The following CRHR1 variants were observed in gnomAD, a reference collection of about 807,000 sequenced individuals.
CRHR1 encodes corticotropin releasing hormone receptor 1, also known as corticotropin-releasing hormone receptor 1.
Under a neutral mutation model 56.0 loss-of-function variants are expected in CRHR1, and 28 were observed. The ratio of observed to expected loss-of-function variants is 0.50; its 90% confidence interval spans 0.37 to 0.69. The LOEUF (loss-of-function observed/expected upper bound fraction) is 0.69. Ranked by LOEUF, CRHR1 falls within the 30% of genes least tolerant of loss-of-function variation. The probability of loss-of-function intolerance (pLI) is 0.00; values close to 1 mark genes in which losing one functional copy is unlikely to be tolerated. For synonymous variants in CRHR1, 195 were observed against 216.5 expected (o/e 0.90, Z 0.87); for missense variants, 376 against 548.0 (o/e 0.69, Z 3.13).
intron 2 of CRHR1, among the ~76,000 whole-genome samples, chr17:45,814,607 C>T (rs1450400889): frequency 6.6e-6 from 1 of 152,252 alleles, no homozygotes; most frequent in African/African-American, 2.4e-5. Context: ...CGATCCTCCC[C>T]TCCCCGCGGC....
chr17:45,784,590 C>G lies in CRHR1; in HGVS notation c.33+13C>G. The stretch of plus-strand genomic sequence containing the variant: ...CCGTCTCGTCAAGGTAACAGCCCGC[C>G]GGCCATCCCTCGAGCGCTGGCGCCC... On this transcript the variant is annotated intron_variant, in intron 1 of 12. Transcript: ENST00000314537. The surrounding 1 kb of genome is among the most constrained non-coding windows in gnomAD (Gnocchi z 4.2). The G allele has an allele frequency of 6.5e-7, 1 of 1,546,680 alleles. No individual in the cohort carries two copies. The highest frequency in any genetic ancestry group is 8.7e-7 in the Non-Finnish European group (1 of 1,146,148).
At chr17:45,810,045 C>T (rs1445024785) in intron 2 of CRHR1, among the ~76,000 whole-genome samples, 2 of 152,096 alleles carry the variant, frequency 1.3e-5, no homozygotes, top group Admixed American at 6.6e-5. Context: ...TTTGGGAGGC[C>T]GAGGCGGTCG....
At chr17:45,823,013 G>A (rs919174770) in intron 4 of CRHR1, among the ~76,000 whole-genome samples, 7 of 146,026 alleles carry the variant, frequency 4.8e-5, no homozygotes, top group Middle Eastern at 3.7e-3. Context: ...GCATGGTGGC[G>A]CATCCCTGTA....
chr17:45,796,329 C>G (rs2061516443), intron 1 of CRHR1, among the ~76,000 whole-genome samples: 3 of 152,158 alleles, frequency 2.0e-5, no homozygotes, highest in African/African-American at 4.8e-5. Flanking sequence ...TCTGTGAGAG[C>G]CAAACAGAGC....
At chr17:45,817,498 T>C (rs2061953354) in intron 3 of CRHR1, among the ~76,000 whole-genome samples, 1 of 152,220 alleles carries the variant, frequency 6.6e-6, no homozygotes, top group Non-Finnish European at 1.5e-5. Context: ...TTGCCCCTCA[T>C]CTGGCCCTCA....
chr17:45,806,028 G>A (rs575617867), intron 1 of CRHR1, among the ~76,000 whole-genome samples: 9 of 152,330 alleles, frequency 5.9e-5, no homozygotes, highest in Non-Finnish European at 1.0e-4. Context: ...CTTAAAGGGG[G>A]TGGGACAGTT....
In CRHR1 at chr17:45,830,230, G is replaced by A. The variant is rs754937515; in HGVS notation, c.555+16G>A. The A allele has an allele frequency of 6.2e-7, 1 of 1,613,614 alleles. No individual in the cohort carries two copies. Among genetic ancestry groups the A allele is most frequent in the South Asian group, 1.1e-5 (1 of 91,048 alleles). The stretch of plus-strand genomic sequence containing the variant: ...GAGCAACGTGGTACGTCCTGGCAGG[G>A]GAGCGGGGAGCAGGTCAGGCCAAAC... On this transcript the variant is annotated intron_variant, in intron 6 of 12. Transcript: ENST00000314537.
At chr17:45,826,578 C>T (rs923650604) in intron 4 of CRHR1, 3 of 152,286 alleles carry the variant, frequency 2.0e-5, no homozygotes, top group Non-Finnish European at 2.9e-5. Flanking sequence ...CCCTCTTGGG[C>T]GCTATTGTCC....
chr17:45,808,442 G>A (rs2061759243), intron 2 of CRHR1, among the ~76,000 whole-genome samples: 1 of 152,212 alleles, frequency 6.6e-6, no homozygotes, highest in Non-Finnish European at 1.5e-5. Context: ...TCCCGGCTAG[G>A]GGTGGGTACT....
intron 1 of CRHR1, among the ~76,000 whole-genome samples, chr17:45,794,765 G>C (rs1360918706): frequency 6.6e-6 from 1 of 152,212 alleles, no homozygotes; most frequent in African/African-American, 2.4e-5. Context: ...GTTCCCCAAA[G>C]CTCACAGGAC....
At chr17:45,792,492 C>T (rs374498516) in intron 1 of CRHR1, among the ~76,000 whole-genome samples, 2 of 152,174 alleles carry the variant, frequency 1.3e-5, no homozygotes, top group Non-Finnish European at 1.5e-5. Context: ...CTGCCTGAGT[C>T]GCACTGTTCT....
intron 1 of CRHR1, chr17:45,799,644 G>C (rs147835524): frequency 6.6e-6 from 1 of 152,334 alleles, no homozygotes; most frequent in East Asian, 1.9e-4. Context: ...GGGGTCACCA[G>C]GTACATCTTC....
chr17:45,811,780 C>T (rs1163868327), intron 2 of CRHR1, among the ~76,000 whole-genome samples: 2 of 152,234 alleles, frequency 1.3e-5, no homozygotes, highest in Non-Finnish European at 2.9e-5. Context: ...AGCCACCACA[C>T]TAAAAGAGCA....
At chr17:45,785,794 C>T (rs2061325358) in intron 1 of CRHR1, among the ~76,000 whole-genome samples, 1 of 152,164 alleles carries the variant, frequency 6.6e-6, no homozygotes, top group Non-Finnish European at 1.5e-5. Context: ...TTACAAGTTA[C>T]TGAGATTTTT....
At chr17:45,832,031 G>A (rs1466659556) in intron 8 of CRHR1, among the ~76,000 whole-genome samples, 2 of 151,858 alleles carry the variant, frequency 1.3e-5, no homozygotes, top group Non-Finnish European at 2.9e-5. Flanking sequence ...GACCAGCCTG[G>A]CTAACATGGT....
chr17:45,832,037 A>G (rs2062321901), intron 8 of CRHR1, among the ~76,000 whole-genome samples: 1 of 152,040 alleles, frequency 6.6e-6, no homozygotes, highest in Admixed American at 6.6e-5. Flanking sequence ...CCTGGCTAAC[A>G]TGGTGAAACC....
intron 1 of CRHR1, among the ~76,000 whole-genome samples, chr17:45,789,873 C>T (rs538656933): frequency 6.6e-6 from 1 of 152,340 alleles, no homozygotes; most frequent in East Asian, 1.9e-4. Context: ...GAAATAATAC[C>T]TGCTTTATGG....
intron 1 of CRHR1, among the ~76,000 whole-genome samples, chr17:45,793,294 T>C (rs900463158): frequency 2.6e-5 from 4 of 152,240 alleles, no homozygotes; most frequent in Admixed American, 6.5e-5. Flanking sequence ...CATGAGCGGT[T>C]CTGGACAGGG....
chr17:45,821,265 A>G (rs2062034542), intron 3 of CRHR1, 90 bp from the exon 4 acceptor site: 4 of 1,185,004 alleles, frequency 3.4e-6, no homozygotes, highest in Non-Finnish European at 5.0e-6. Context: ...CTGGCCATCT[A>G]CAGATCCATC....
Sources: gnomAD v4.1 joint callset for allele counts (sites outside exome capture counted in the v4.1 genomes callset) on GRCh38, gnomAD v4.1.1 for gene constraint, Gnocchi (gnomAD v3.1) non-coding constraint, MANE v1.5 for transcripts, NCBI Gene and HGNC (gene_info 2026-07-23, HGNC 2026-07-21) for gene names.